Variants in ZFHX4 observed in about 807,000 individuals in gnomAD.
ZFHX4 encodes zinc finger homeobox 4.
ZFHX4 carries 56 observed loss-of-function variants against 267.6 expected under a neutral mutation model. The ratio of observed to expected loss-of-function variants is 0.21; its 90% CI spans 0.17 to 0.26. ZFHX4 has a LOEUF of 0.26. Ranked by LOEUF, ZFHX4 falls within the 10% of genes least tolerant of loss-of-function variation. The pLI is 1.00. For missense variants in ZFHX4, 4,332 were observed against 4,420.0 expected (o/e 0.98, Z 0.56); for synonymous variants, 1,778 against 1,665.6 (o/e 1.07, Z -1.64).
intron 3 of ZFHX4, among the ~76,000 whole-genome samples, chr8:76,756,493 T>C (rs912435646): frequency 2.6e-5 from 4 of 152,208 alleles, no homozygotes; most frequent in Non-Finnish European, 5.9e-5. Flanking sequence ...AATGTGATTT[T>C]TGTTGGCTGT....
chr8:76,841,528 T>C (rs944525889), intron 5 of ZFHX4, among the ~76,000 whole-genome samples: 13 of 152,180 alleles, frequency 8.5e-5, no homozygotes, highest in Non-Finnish European at 1.6e-4. Context: ...GTTAATTGTA[T>C]CATGTTCTCT....
At position 76,705,164 on chromosome 8, in the gene ZFHX4, C is replaced by T. The variant is rs376626064; in HGVS notation, c.1076C>T (p.Thr359Ile). ...ACAAACCTCATAGGACCCGATCCAA[C>T]CTTCCGCGGTTTATGGAGCGCTTTT... ...STTNLIGPDP[T>I]FRGLWSAFHV... Residue 359 changes from threonine (T) to isoleucine (I), a missense_variant, in exon 2 of 11, where the codon ACC (threonine) becomes ATC (isoleucine). By Grantham distance (89) the Thr-to-Ile change is moderately conservative. This residue lies in a region of ZFHX4 where 1,195 missense variants were observed against 1,173.6 expected (regional missense o/e 1.02). Transcript: ENST00000651372. The T allele has an allele frequency of 8.8e-5, 142 of 1,613,902 alleles. No homozygotes were observed. The African/African-American group carries it at 1.5e-3, about 17-fold the overall frequency.
intron 3 of ZFHX4, among the ~76,000 whole-genome samples, chr8:76,746,763 A>C (rs2131696880): frequency 6.6e-6 from 1 of 152,318 alleles, no homozygotes; most frequent in Non-Finnish European, 1.5e-5. Context: ...CTAAGACTAA[A>C]CAACCATGTA....
In ZFHX4 at chr8:76,856,250, C is replaced by G. The variant is rs745670005; in HGVS notation, c.9329C>G (p.Pro3110Arg). The G allele has an allele frequency of 3.1e-6, 5 of 1,613,886 alleles. No individual in the cohort carries two copies. The highest frequency in any genetic ancestry group is 3.3e-5 in the Admixed American group (2 of 60,016). Reference protein sequence around the residue: ...GLPGLPPVLLPGMNGPSSLPG... With the variant: ...GLPGLPPVLLRGMNGPSSLPG... ...CCCGGCCTTCCTCCAGTCCTTCTCCCCGGAATGAACGGTCCATCCTCCTTG... is the reference window on the plus strand; with the variant it reads ...CCCGGCCTTCCTCCAGTCCTTCTCCGCGGAATGAACGGTCCATCCTCCTTG... The change falls in exon 10 of 11, where the codon CCC (proline) becomes CGC (arginine). Residue 3110 changes from proline (P) to arginine (R), a missense_variant. By Grantham distance (103) the Pro-to-Arg change is moderately radical. Transcript: ENST00000651372.
chr8:76,697,528 T>C (rs1354283450), intron 1 of ZFHX4, among the ~76,000 whole-genome samples: 30 of 152,060 alleles, frequency 2.0e-4, no homozygotes. Context: ...ATGGTAACTA[T>C]GATTTATAAA....
intron 4 of ZFHX4, among the ~76,000 whole-genome samples, chr8:76,810,974 A>G (rs1444607063): frequency 2.0e-5 from 3 of 152,156 alleles, no homozygotes; most frequent in African/African-American, 4.8e-5. Context: ...CTAAGAAGCT[A>G]CTAGGCCATC....
intron 3 of ZFHX4, among the ~76,000 whole-genome samples, chr8:76,711,221 C>T (rs936396943): frequency 3.3e-5 from 5 of 151,996 alleles, no homozygotes; most frequent in Admixed American, 3.3e-4. Context: ...TTTTTAAAAG[C>T]AATTTTGTTA....
Position 76,864,293 on chromosome 8 carries a change from C to G in ZFHX4, c.10579C>G (p.Pro3527Ala), listed in dbSNP as rs1174010076. Residue 3527 changes from proline (P) to alanine (A), a missense_variant, in exon 11 of 11, where the codon CCT becomes GCT. By Grantham distance (27) the Pro-to-Ala change is conservative. Around this residue, in one of 7 missense-constraint regions of ZFHX4, gnomAD observed 1,648 missense variants for 1,625.0 expected, o/e 1.01. Transcript: ENST00000651372. ...TTCTTGCTTCTCCATGAAGTCCTGGCCTAATATCCTTTTCCAAGCGTCTGC... is the reference window on the plus strand; with the variant it reads ...TTCTTGCTTCTCCATGAAGTCCTGGGCTAATATCCTTTTCCAAGCGTCTGC... ...HLSCFSMKSW[P>A]NILFQASARR... The G allele has an allele frequency of 6.2e-7, 1 of 1,613,738 alleles. No homozygotes were observed. The highest frequency in any genetic ancestry group is 1.3e-5 in the African/African-American group (1 of 74,922).
chr8:76,757,731 G>A (rs921357154), intron 3 of ZFHX4, among the ~76,000 whole-genome samples: 1 of 152,172 alleles, frequency 6.6e-6, no homozygotes, highest in African/African-American at 2.4e-5. Flanking sequence ...TACAAAATAG[G>A]CACCATGCCT....
intron 4 of ZFHX4, among the ~76,000 whole-genome samples, chr8:76,818,050 A>G (rs549132029): frequency 6.6e-6 from 1 of 152,336 alleles, no homozygotes; most frequent in African/African-American, 2.4e-5. Context: ...CCTAGAGGAC[A>G]GAATCAATGA....
chr8:76,800,485 C>T (rs1162076738), intron 4 of ZFHX4, among the ~76,000 whole-genome samples: 2 of 152,132 alleles, frequency 1.3e-5, no homozygotes, highest in East Asian at 3.9e-4. Flanking sequence ...TAGCTTTTGA[C>T]ATGTTGTTCC....
intron 3 of ZFHX4, among the ~76,000 whole-genome samples, chr8:76,746,431 A>C (rs2131696227): frequency 6.6e-6 from 1 of 152,238 alleles, no homozygotes; most frequent in East Asian, 1.9e-4. Context: ...CAAACAAGAA[A>C]TATTTTTTTC....
chr8:76,739,570 A>G (rs1160852199), intron 3 of ZFHX4, among the ~76,000 whole-genome samples: 1 of 152,136 alleles, frequency 6.6e-6, no homozygotes. Flanking sequence ...TGATCAGGAA[A>G]GGCTTCATAA....
At chr8:76,788,156 T>C (rs1362535937) in intron 4 of ZFHX4, among the ~76,000 whole-genome samples, 2 of 152,188 alleles carry the variant, frequency 1.3e-5, no homozygotes, top group Non-Finnish European at 2.9e-5. Flanking sequence ...AGTAACATAG[T>C]TGTCTCCAGT....
At chr8:76,774,807 G>A (rs974865853) in intron 3 of ZFHX4, among the ~76,000 whole-genome samples, 1 of 152,006 alleles carries the variant, frequency 6.6e-6, no homozygotes, top group Admixed American at 6.6e-5. Flanking sequence ...GATTTTTAGT[G>A]CTTAATATAC....
chr8:76,760,733 G>T (rs1167869576), intron 3 of ZFHX4, among the ~76,000 whole-genome samples: 2 of 151,936 alleles, frequency 1.3e-5, no homozygotes, highest in African/African-American at 2.4e-5. Context: ...TTCCAGACCA[G>T]CCTGGGCAAC....
chr8:76,744,243 G>A (rs548857796), intron 3 of ZFHX4, among the ~76,000 whole-genome samples: 1 of 152,120 alleles, frequency 6.6e-6, no homozygotes, highest in Admixed American at 6.5e-5. Context: ...CTACTCAGGA[G>A]GTTGAGACAG....
chr8:76,717,334 G>A lies in ZFHX4; in HGVS notation c.3093+9286G>A, dbSNP rs151060260. ...TCAAAATTCTGCTAATGATTTCAATGTAAAGCCCAAAGTCTTGATAGAACT... is the reference window on the plus strand; with the variant it reads ...TCAAAATTCTGCTAATGATTTCAATATAAAGCCCAAAGTCTTGATAGAACT... On this transcript the variant is annotated intron_variant, in intron 3 of 10. Transcript: ENST00000651372. Among the ~76,000 whole-genome samples, 414 of 152,210 alleles carry A rather than the reference G, an allele frequency of 2.7e-3. 2 individuals carry two copies. Among genetic ancestry groups the A allele is most frequent in the African/African-American group, 9.5e-3 (395 of 41,524 alleles).
chr8:76,754,398 A>T lies in ZFHX4; in HGVS notation c.3094-23810A>T, dbSNP rs1482855606. 3.9e-5 allele frequency among the ~76,000 whole-genome samples: 6 copies of T among 152,200 alleles called. No homozygotes were observed. In the East Asian group the frequency reaches 9.7e-4, roughly 25 times the overall value. ...CAGATACGCGGGAGGCTGAGACAGG[A>T]GAATCACTTGAGACCAAGAGGTGGT... is the stretch of plus-strand genomic sequence containing the variant. On this transcript the variant is annotated intron_variant, in intron 3 of 10. Transcript: ENST00000651372.
Sources: allele counts gnomAD v4.1 joint callset (sites outside exome capture counted in the v4.1 genomes callset), GRCh38; gene constraint gnomAD v4.1.1; regional missense constraint gnomAD v4.1.1; transcripts MANE v1.5; gene names NCBI Gene and HGNC (gene_info 2026-07-23, HGNC 2026-07-21).